The following PRKD3 variants were observed in gnomAD, a reference collection of about 807,000 sequenced individuals.
The protein encoded by PRKD3 is serine/threonine-protein kinase D3.
PRKD3 carries 47 observed loss-of-function variants against 99.2 expected under a neutral mutation model. The observed-to-expected ratio is 0.47, with a 90% CI of 0.38 to 0.60. The LOEUF (loss-of-function observed/expected upper bound fraction) is 0.60, where lower values mean the gene tolerates loss of function less well. PRKD3 is among the 20% of genes least tolerant of loss of function. PRKD3 has a pLI of 0.00. For synonymous variants in PRKD3, 392 were observed against 355.4 expected (o/e 1.10, Z -1.16); for missense variants, 1,019 against 1,088.4 (o/e 0.94, Z 0.90).
At chr2:37,292,935 C>G (rs1478668293) in intron 3 of PRKD3, 198 bp downstream of exon 3, 1 of 484,356 alleles carries the variant, frequency 2.1e-6, no homozygotes, top group African/African-American at 1.9e-5. Flanking sequence ...TGTGAGCCAC[C>G]GTTGCCAGGT....
At chr2:37,316,091 G>C (rs189738809) in intron 2 of PRKD3, 146 bp downstream of exon 2, 1 of 805,640 alleles carries the variant, frequency 1.2e-6, no homozygotes, top group East Asian at 2.6e-5. Flanking sequence ...TCAGTCTTTA[G>C]CCTCAGAGGT....
chr2:37,300,889 G>A (rs1022444679), intron 2 of PRKD3, among the ~76,000 whole-genome samples: 3 of 152,040 alleles, frequency 2.0e-5, no homozygotes, highest in Admixed American at 6.6e-5. Flanking sequence ...TCTTTATGGC[G>A]GTCAAACCAA....
At chr2:37,307,750 C>T (rs1046080530) in intron 2 of PRKD3, among the ~76,000 whole-genome samples, 2 of 152,162 alleles carry the variant, frequency 1.3e-5, no homozygotes, top group African/African-American at 4.8e-5. Context: ...AAAAGAAACT[C>T]CACCCTACTC....
chr2:37,308,522 CCCCCACCCACCTCCCT>C (rs1671267381), intron 2 of PRKD3, among the ~76,000 whole-genome samples: 1 of 145,270 alleles, frequency 6.9e-6, no homozygotes, highest in East Asian at 2.0e-4. Flanking sequence ...CCACCACCCA[CCCCCACCCACCTCCCT>C]CCCCACCCAG....
At chr2:37,276,541 T>C (rs1403346586) in intron 9 of PRKD3, among the ~76,000 whole-genome samples, 1 of 152,086 alleles carries the variant, frequency 6.6e-6, no homozygotes, top group Non-Finnish European at 1.5e-5. Context: ...TTGTTGGCAT[T>C]CTTCACATCT....
At chr2:37,323,974 C>CT (rs11370909) in intron 1 of PRKD3, among the ~76,000 whole-genome samples, 7,458 of 152,266 alleles carry the variant, frequency 0.049, 205 homozygotes, top group African/African-American at 0.068. Flanking sequence ...ACGGCAAGGC[C>CT]TATGCCTCTG....
At chr2:37,282,934 T>A (rs1032040977) in intron 6 of PRKD3, among the ~76,000 whole-genome samples, 1 of 151,668 alleles carries the variant, frequency 6.6e-6, no homozygotes, top group African/African-American at 2.4e-5. Flanking sequence ...CTATCCAACA[T>A]ATGTCAGATA....
chr2:37,274,870 A>T (rs1228651113), intron 10 of PRKD3, among the ~76,000 whole-genome samples, 173 bp from the exon 11 acceptor site: 1 of 152,224 alleles, frequency 6.6e-6, no homozygotes, highest in Non-Finnish European at 1.5e-5. Flanking sequence ...AATGAGCTGC[A>T]ATGTCCAGCA....
chr2:37,309,968 C>T (rs1671352175), intron 2 of PRKD3, among the ~76,000 whole-genome samples: 1 of 151,510 alleles, frequency 6.6e-6, no homozygotes, highest in Non-Finnish European at 1.5e-5. Context: ...TAAAATAAAT[C>T]ACAGAATTGA....
At chr2:37,271,500 C>A (rs1669261466) in intron 12 of PRKD3, among the ~76,000 whole-genome samples, 1 of 152,218 alleles carries the variant, frequency 6.6e-6, no homozygotes, top group Admixed American at 6.5e-5. Flanking sequence ...ATATGGTCCA[C>A]AACAGGGGTC....
intron 12 of PRKD3, among the ~76,000 whole-genome samples, chr2:37,271,317 A>G (rs990875107): frequency 6.6e-6 from 1 of 152,240 alleles, no homozygotes; most frequent in African/African-American, 2.4e-5. Flanking sequence ...CGATCTAAAA[A>G]TGGTCTTTAA....
At chr2:37,267,755 A>C in intron 13 of PRKD3, 1 of 452,144 alleles carries the variant, frequency 2.2e-6, no homozygotes, top group Non-Finnish European at 3.9e-6. Context: ...GCATTATCTA[A>C]ACAGGAGAAA....
intron 2 of PRKD3, among the ~76,000 whole-genome samples, chr2:37,308,599 C>A (rs1474410432): frequency 7.0e-6 from 1 of 142,664 alleles, no homozygotes; most frequent in Non-Finnish European, 1.5e-5. Flanking sequence ...GGATTATAGG[C>A]ACCTGCCACC....
At chr2:37,283,336 G>A (rs973957136) in intron 6 of PRKD3, among the ~76,000 whole-genome samples, 15 of 135,020 alleles carry the variant, frequency 1.1e-4, no homozygotes, top group Non-Finnish European at 1.8e-4. Flanking sequence ...TCATACTGAA[G>A]TTGAGACCCA....
chr2:37,255,341 C>G (rs993040525), intron 17 of PRKD3, among the ~76,000 whole-genome samples: 9 of 152,170 alleles, frequency 5.9e-5, no homozygotes, highest in African/African-American at 1.9e-4. Context: ...ATTACATGGG[C>G]TGGTTAAATC....
chr2:37,311,712 T>C (rs1001066557), intron 2 of PRKD3, among the ~76,000 whole-genome samples: 3 of 152,210 alleles, frequency 2.0e-5, no homozygotes, highest in African/African-American at 7.2e-5. Flanking sequence ...GGACAAAATA[T>C]ACAATTTCAA....
chr2:37,298,177 A>C (rs1670756348), intron 2 of PRKD3, among the ~76,000 whole-genome samples: 1 of 152,214 alleles, frequency 6.6e-6, no homozygotes, highest in Non-Finnish European at 1.5e-5. Flanking sequence ...TTCAAAGTTC[A>C]AAAGGCAAAA....
intron 17 of PRKD3, 99 bp downstream of exon 17, chr2:37,256,563 T>A: frequency 1.5e-6 from 2 of 1,351,172 alleles, no homozygotes; most frequent in Non-Finnish European, 1.9e-6. Flanking sequence ...ACTAAAAAGA[T>A]AAGTTGCAAG....
chr2:37,298,867 C>CA (rs1202151489), intron 2 of PRKD3, among the ~76,000 whole-genome samples: 8 of 151,950 alleles, frequency 5.3e-5, no homozygotes, highest in African/African-American at 1.9e-4. Context: ...ATATCGTCTG[C>CA]AAAAAAGGAT....
Sources: allele counts gnomAD v4.1 joint callset (sites outside exome capture counted in the v4.1 genomes callset), GRCh38; gene constraint gnomAD v4.1.1; transcripts MANE v1.5; gene names NCBI Gene and HGNC (gene_info 2026-07-23, HGNC 2026-07-21).